COLEC10: variants seen among roughly 807,000 people sequenced by gnomAD.
The protein encoded by COLEC10 is collectin-10.
A neutral mutation model predicts 28.4 loss-of-function variants in COLEC10; 22 were observed. That is an observed-to-expected ratio of 0.78 (90% CI 0.55 to 1.11). The LOEUF (loss-of-function observed/expected upper bound fraction) is 1.11, where lower values mean the gene tolerates loss of function less well. Among genes scored for constraint, COLEC10 ranks in the 50% least tolerant of loss-of-function variants. COLEC10 has a pLI of 0.00. For missense variants in COLEC10, 361 were observed against 344.1 expected (o/e 1.05, Z -0.39); for synonymous variants, 125 against 116.1 (o/e 1.08, Z -0.49).
intron 2 of COLEC10, among the ~76,000 whole-genome samples, chr8:119,043,675 T>C (rs1814535896): frequency 2.0e-5 from 3 of 152,386 alleles, no homozygotes; most frequent in Admixed American, 1.3e-4. Flanking sequence ...TTCATACTTA[T>C]TAAAATTTTA....
At position 119,091,593 on chromosome 8, in the gene COLEC10, GAGAGAAAGAAAGAAAGAA is replaced by G. The variant is rs781341252; in HGVS notation, c.292+377_292+394del. ...AAAGAAAGAGAGAGAGAGAGAGAGA[GAGAGAAAGAAAGAAAGAA>G]AGAAAGAAAGAAAGAAAGAAAGAAA... On this transcript the variant is annotated intron_variant, in intron 3 of 5. Coordinates refer to ENST00000332843, the MANE Select transcript of COLEC10 (RefSeq NM_006438.5). 5.7e-3 allele frequency among the ~76,000 whole-genome samples: 493 copies of G among 86,088 alleles called. 2 individuals carry two copies. Among genetic ancestry groups the G allele is most frequent in the African/African-American group, 0.013 (305 of 23,120 alleles). 56.5% of individuals were successfully genotyped at this position (86,088 alleles called of 152,430 possible). A position where few individuals can be genotyped will look rare whatever the true frequency, so the allele number is the denominator to read the frequency against.
intron 2 of COLEC10, among the ~76,000 whole-genome samples, chr8:119,020,294 T>C (rs2130105015): frequency 6.6e-6 from 1 of 152,286 alleles, no homozygotes; most frequent in South Asian, 2.1e-4. Context: ...CATCTATTCA[T>C]TTAACCACCG....
the COLEC10 span, among the ~76,000 whole-genome samples, chr8:118,964,954 C>T: frequency 6.6e-6 from 1 of 152,126 alleles, no homozygotes; most frequent in Non-Finnish European, 1.5e-5. Flanking sequence ...AGCAAAGGGT[C>T]ACCTTGTTCC....
chr8:118,985,960 A>G, the COLEC10 span, among the ~76,000 whole-genome samples: 1 of 152,194 alleles, frequency 6.6e-6, no homozygotes, highest in Admixed American at 6.6e-5. Context: ...AGTGACCAGA[A>G]GAGGCAACTA....
the COLEC10 span, among the ~76,000 whole-genome samples, chr8:118,979,611 C>T: frequency 6.6e-6 from 1 of 151,752 alleles, no homozygotes; most frequent in Non-Finnish European, 1.5e-5. Context: ...TTTAATCATT[C>T]CACAAATTAC....
At chr8:118,978,812 C>T in the COLEC10 span, among the ~76,000 whole-genome samples, 2 of 152,016 alleles carry the variant, frequency 1.3e-5, no homozygotes, top group Non-Finnish European at 2.9e-5. Flanking sequence ...GCCCATTTTG[C>T]CATATGCTTA....
At chr8:119,066,474 A>T (rs550005879), upstream of COLEC10, among the ~76,000 whole-genome samples, 1 of 152,252 alleles carries the variant, frequency 6.6e-6, no homozygotes. Flanking sequence ...TGAAAACACC[A>T]TTTTAATAAA....
chr8:119,031,029 G>T (rs941427972), intron 2 of COLEC10, among the ~76,000 whole-genome samples: 1 of 152,178 alleles, frequency 6.6e-6, no homozygotes, highest in African/African-American at 2.4e-5. Flanking sequence ...AAGATGTAGA[G>T]TGATGCCAGT....
intron 2 of COLEC10, among the ~76,000 whole-genome samples, chr8:119,023,402 A>C (rs1814132330): frequency 6.6e-6 from 1 of 152,136 alleles, no homozygotes; most frequent in Non-Finnish European, 1.5e-5. Flanking sequence ...ATTTCAAGAG[A>C]AACTTTAGAG....
chr8:119,049,471 G>T (rs1422921726), intron 2 of COLEC10, among the ~76,000 whole-genome samples: 1 of 124,742 alleles, frequency 8.0e-6, no homozygotes, highest in African/African-American at 3.1e-5. Flanking sequence ...CTGGAGTGCC[G>T]TGGCGCAATC....
intron 3 of COLEC10, among the ~76,000 whole-genome samples, chr8:119,097,096 G>T (rs934817642): frequency 6.6e-6 from 1 of 152,098 alleles, no homozygotes; most frequent in Non-Finnish European, 1.5e-5. Flanking sequence ...TTGTAACACA[G>T]TTCTAAGTCA....
upstream of COLEC10, among the ~76,000 whole-genome samples, chr8:118,995,223 G>T (rs971552202): frequency 2.0e-5 from 3 of 151,572 alleles, no homozygotes; most frequent in Non-Finnish European, 4.4e-5. Context: ...TTTGAGCAGG[G>T]TGCTTTGCCC....
chr8:119,069,629 A>AAAATATATATATAT (rs1554627284), intron 1 of COLEC10, among the ~76,000 whole-genome samples: 3 of 42,880 alleles, frequency 7.0e-5, no homozygotes, highest in Non-Finnish European at 1.3e-4. Flanking sequence ...AAAAAAAAAA[A>AAAATATATATATAT]ATATATATAT....
intron 3 of COLEC10, 95 bp from the exon 4 acceptor site, chr8:119,102,232 CTCCCTCCCTCCTTCCTTCTTT>C (rs1393310123): frequency 1.0e-4 from 28 of 272,762 alleles, no homozygotes; most frequent in Middle Eastern, 2.3e-3. Flanking sequence ...CCCTCCCTCC[CTCCCTCCCTCCTTCCTTCTTT>C]TCCTTCCTTC....
At chr8:118,996,007 G>A (rs1813582719) in intron 1 of COLEC10, among the ~76,000 whole-genome samples, 1 of 152,110 alleles carries the variant, frequency 6.6e-6, no homozygotes, top group African/African-American at 2.4e-5. Flanking sequence ...ATCTTGCATA[G>A]TTGAAACTTT....
At chr8:119,043,899 C>T (rs568439697) in intron 2 of COLEC10, among the ~76,000 whole-genome samples, 1 of 152,268 alleles carries the variant, frequency 6.6e-6, no homozygotes, top group East Asian at 1.9e-4. Flanking sequence ...CATGGACAAC[C>T]AGATTTTTTT....
At chr8:118,995,340 T>TC (rs1272559650), upstream of COLEC10, 3 of 152,190 alleles carry the variant, frequency 2.0e-5, no homozygotes, top group African/African-American at 7.2e-5. Context: ...CTGTATTTTT[T>TC]CCCTCTCTCC....
At chr8:118,981,867 G>C in the COLEC10 span, among the ~76,000 whole-genome samples, 3 of 152,078 alleles carry the variant, frequency 2.0e-5, no homozygotes, top group African/African-American at 7.2e-5. Flanking sequence ...GAGTTGCGAA[G>C]GATTTGCATG....
At chr8:119,088,481 A>C (rs1160864274) in intron 1 of COLEC10, among the ~76,000 whole-genome samples, 1 of 152,224 alleles carries the variant, frequency 6.6e-6, no homozygotes, top group Non-Finnish European at 1.5e-5. Flanking sequence ...AAAAATAAAA[A>C]GAGACAATCT....
Sources: allele counts gnomAD v4.1 joint callset (sites outside exome capture counted in the v4.1 genomes callset), GRCh38; gene constraint gnomAD v4.1.1; transcripts MANE v1.5; gene names NCBI Gene and HGNC (gene_info 2026-07-23, HGNC 2026-07-21).